LOC400499: variants seen among roughly 807,000 people sequenced by gnomAD.
the LOC400499 span, chr16:11,448,850 G>T: frequency 1.6e-6 from 2 of 1,275,570 alleles, no homozygotes; most frequent in Non-Finnish European, 1.0e-6. Flanking sequence ...CCGAAGCAGG[G>T]AGAGAGGTAG....
At chr16:11,519,771 T>C in the LOC400499 span, among the ~76,000 whole-genome samples, 1 of 151,366 alleles carries the variant, frequency 6.6e-6, no homozygotes, top group Non-Finnish European at 1.5e-5. Context: ...AATGGCGCGA[T>C]CTTGGCTCAC....
chr16:11,490,964 G>C, the LOC400499 span, among the ~76,000 whole-genome samples: 1 of 152,178 alleles, frequency 6.6e-6, no homozygotes, highest in South Asian at 2.1e-4. Flanking sequence ...AATAATAATA[G>C]CAGTAGTGAT....
At chr16:11,478,743 G>A in the LOC400499 span, 1 of 398,876 alleles carries the variant, frequency 2.5e-6, no homozygotes, top group African/African-American at 2.1e-5. Flanking sequence ...AGAGTGATAT[G>A]GTTTGGCTGT....
the LOC400499 span, among the ~76,000 whole-genome samples, chr16:11,381,280 T>C: frequency 6.6e-6 from 1 of 152,162 alleles, no homozygotes; most frequent in East Asian, 1.9e-4. Context: ...AGGGTCTCAG[T>C]CTGTCACGCA....
At chr16:11,516,100 G>T in the LOC400499 span, 23 of 399,392 alleles carry the variant, frequency 5.8e-5, no homozygotes, top group Non-Finnish European at 9.7e-5. Context: ...CAACCTTCTG[G>T]CCACCTCTAC....
At chr16:11,379,609 G>T in the LOC400499 span, among the ~76,000 whole-genome samples, 16 of 152,242 alleles carry the variant, frequency 1.1e-4, no homozygotes, top group Admixed American at 2.0e-4. Context: ...GAGGCCCACA[G>T]CCAAGGACTG....
chr16:11,404,854 G>A, the LOC400499 span: 6 of 398,890 alleles, frequency 1.5e-5, no homozygotes, highest in Non-Finnish European at 2.7e-5. Context: ...AGCTCCCTGG[G>A]AAGAGCGCTG....
At chr16:11,378,096 G>C in the LOC400499 span, among the ~76,000 whole-genome samples, 3 of 152,108 alleles carry the variant, frequency 2.0e-5, no homozygotes, top group African/African-American at 7.2e-5. Flanking sequence ...AGGTTAGGTT[G>C]TTGGTTTGAG....
At chr16:11,430,213 G>A in the LOC400499 span, among the ~76,000 whole-genome samples, 1 of 152,094 alleles carries the variant, frequency 6.6e-6, no homozygotes, top group African/African-American at 2.4e-5. Context: ...TCTGCCAGGC[G>A]CGGTGGCTCA....
the LOC400499 span, among the ~76,000 whole-genome samples, chr16:11,445,423 A>G: frequency 4.7e-5 from 7 of 147,884 alleles, no homozygotes; most frequent in Non-Finnish European, 3.0e-5. Context: ...TCTTTCTCCA[A>G]AAAAAAAAAA....
At chr16:11,479,495 C>A in the LOC400499 span, among the ~76,000 whole-genome samples, 1 of 151,200 alleles carries the variant, frequency 6.6e-6, no homozygotes, top group South Asian at 2.1e-4. Flanking sequence ...TGGTGGCACC[C>A]GCCTGTAGTT....
the LOC400499 span, among the ~76,000 whole-genome samples, chr16:11,397,573 T>C: frequency 2.0e-5 from 3 of 152,188 alleles, no homozygotes; most frequent in Non-Finnish European, 4.4e-5. Context: ...GCACCCGGCT[T>C]GTAAATACTT....
At chr16:11,470,207 G>A in the LOC400499 span, among the ~76,000 whole-genome samples, 1 of 152,100 alleles carries the variant, frequency 6.6e-6, no homozygotes, top group Non-Finnish European at 1.5e-5. Context: ...ACTGCGCCTG[G>A]CCTCTCCCAT....
At chr16:11,422,826 C>T in the LOC400499 span, among the ~76,000 whole-genome samples, 20 of 152,182 alleles carry the variant, frequency 1.3e-4, no homozygotes, top group African/African-American at 4.6e-4. Context: ...CAGCCCTGAG[C>T]GCCACGGTCC....
At chr16:11,522,092 G>T in the LOC400499 span, 1 of 395,710 alleles carries the variant, frequency 2.5e-6, no homozygotes, top group African/African-American at 2.1e-5. Context: ...GTGCCCACAG[G>T]GAGGTGGGGC....
the LOC400499 span, among the ~76,000 whole-genome samples, chr16:11,413,220 G>T: frequency 6.6e-6 from 1 of 152,164 alleles, no homozygotes; most frequent in African/African-American, 2.4e-5. Flanking sequence ...TCCCGGGAGG[G>T]CTCCCTGTCA....
the LOC400499 span, among the ~76,000 whole-genome samples, chr16:11,522,846 T>C: frequency 6.6e-6 from 1 of 151,520 alleles, no homozygotes; most frequent in African/African-American, 2.4e-5. Context: ...GATCTGGGGG[T>C]GAGGAGAGTA....
chr16:11,484,452 C>T, the LOC400499 span, among the ~76,000 whole-genome samples: 1 of 152,004 alleles, frequency 6.6e-6, no homozygotes, highest in Admixed American at 6.6e-5. Flanking sequence ...TAGTGTTCAC[C>T]GTGTGTCAAT....
the LOC400499 span, among the ~76,000 whole-genome samples, chr16:11,491,081 A>G: frequency 6.6e-6 from 1 of 152,218 alleles, no homozygotes; most frequent in African/African-American, 2.4e-5. Context: ...GGGAGGTACT[A>G]GCATTATCCC....
Sources: allele counts gnomAD v4.1 joint callset (sites outside exome capture counted in the v4.1 genomes callset), GRCh38; gene constraint gnomAD v4.1.1; transcripts MANE v1.5.